Variants in NELL1 observed in about 807,000 individuals in gnomAD.
The protein encoded by NELL1 is neural EGFL like 1.
In NELL1, 76 loss-of-function variants were observed where a neutral mutation model predicts 107.4. The observed-to-expected ratio is 0.71, with a 90% CI of 0.59 to 0.86. NELL1 has a LOEUF of 0.86. NELL1 is among the 40% of genes least tolerant of loss of function. The pLI is 0.00. For missense variants in NELL1, 1,024 were observed against 1,005.5 expected (o/e 1.02, Z -0.25); for synonymous variants, 353 against 341.2 (o/e 1.03, Z -0.38).
At chr11:21,220,159 A>G (rs1857718447) in intron 13 of NELL1, among the ~76,000 whole-genome samples, 1 of 152,186 alleles carries the variant, frequency 6.6e-6, no homozygotes. Context: ...AATCCAAGCC[A>G]TATCAGCTGT....
chr11:21,101,864 T>G (rs1854825247), intron 12 of NELL1, among the ~76,000 whole-genome samples: 1 of 152,198 alleles, frequency 6.6e-6, no homozygotes, highest in African/African-American at 2.4e-5. Flanking sequence ...CGTTTCTTTC[T>G]TTCTTTCTTT....
chr11:20,848,665 A>G (rs1309580968), intron 4 of NELL1, among the ~76,000 whole-genome samples: 1 of 152,196 alleles, frequency 6.6e-6, no homozygotes, highest in African/African-American at 2.4e-5. Flanking sequence ...AACCCAGGAT[A>G]AAGAACAGGC....
In NELL1 at chr11:20,960,701, T is replaced by A. The variant is rs964864356; in HGVS notation, c.1300+141T>A. On this transcript the variant is annotated intron_variant, in intron 12 of 19. Coordinates refer to ENST00000357134, the MANE Select transcript of NELL1 (RefSeq NM_006157.5). The stretch of plus-strand genomic sequence containing the variant: ...AAGAAATCATATCAATTGCTGAGGG[T>A]TCTCTGTTCTCCTGGTTTATCCATG... The A allele has an allele frequency of 2.0e-5, 19 of 954,940 alleles. No individual in the cohort carries two copies. In the Admixed American group the frequency reaches 4.3e-4, roughly 22 times the overall value. 59.2% of individuals were successfully genotyped at this position (954,940 alleles called of 1,614,324 possible).
chr11:21,016,396 G>C (rs976601189), intron 12 of NELL1, among the ~76,000 whole-genome samples: 13 of 152,042 alleles, frequency 8.6e-5, no homozygotes, highest in African/African-American at 3.1e-4. Flanking sequence ...CATACAGTCA[G>C]TAGCTCCCCA....
intron 2 of NELL1, among the ~76,000 whole-genome samples, chr11:20,777,079 C>G (rs781076721): frequency 6.6e-6 from 1 of 152,220 alleles, no homozygotes; most frequent in African/African-American, 2.4e-5. Context: ...ATATCAAGCA[C>G]TGAGATCACA....
At chr11:21,234,270 A>C (rs1288297517) in intron 14 of NELL1, among the ~76,000 whole-genome samples, 2 of 152,226 alleles carry the variant, frequency 1.3e-5, no homozygotes, top group South Asian at 2.1e-4. Context: ...AAAGCTTTGA[A>C]ATTTTCCCAT....
chr11:20,918,151 T>G, intron 5 of NELL1, 31 bp from the exon 6 acceptor site: 1 of 1,318,410 alleles, frequency 7.6e-7, no homozygotes, highest in Non-Finnish European at 1.1e-6. Flanking sequence ...GACTGTAATC[T>G]TGATTGCCAC....
At position 21,428,504 on chromosome 11, in the gene NELL1, T is replaced by C. The variant is rs537724842; in HGVS notation, c.1645+57556T>C. 2.6e-5 allele frequency among the ~76,000 whole-genome samples: 4 copies of C among 152,350 alleles called. No individual in the cohort carries two copies. The South Asian group carries it at 8.3e-4, about 32-fold the overall frequency. ...CTGATACACATTCCGGGGATATTCA[T>C]TTCTTCCACTTCCCTGCAACTCTCA... On this transcript the variant is annotated intron_variant, in intron 15 of 19. Transcript: ENST00000357134.
chr11:20,976,182 A>T (rs1851631131), intron 12 of NELL1, among the ~76,000 whole-genome samples: 1 of 148,504 alleles, frequency 6.7e-6, no homozygotes, highest in African/African-American at 2.5e-5. Flanking sequence ...GTACATATAT[A>T]TGTTTATATC....
At chr11:20,712,771 G>A (rs1270385813) in intron 2 of NELL1, among the ~76,000 whole-genome samples, 1 of 152,186 alleles carries the variant, frequency 6.6e-6, no homozygotes, top group East Asian at 1.9e-4. Context: ...ATCCAGTGGG[G>A]CTACCAGGCT....
intron 15 of NELL1, among the ~76,000 whole-genome samples, chr11:21,386,375 A>T (rs58734619): frequency 6.6e-6 from 1 of 151,894 alleles, no homozygotes; most frequent in African/African-American, 2.4e-5. Flanking sequence ...TGACAGAAGC[A>T]TTAACATCTT....
intron 12 of NELL1, among the ~76,000 whole-genome samples, chr11:20,965,053 C>T (rs1356287995): frequency 6.6e-6 from 1 of 152,130 alleles, no homozygotes; most frequent in Non-Finnish European, 1.5e-5. Context: ...GGATCCAACT[C>T]TTGTGGGTTC....
At chr11:21,097,165 C>T (rs1388268817) in intron 12 of NELL1, among the ~76,000 whole-genome samples, 1 of 152,188 alleles carries the variant, frequency 6.6e-6, no homozygotes. Flanking sequence ...TTTCTACGTT[C>T]ATTCTACTTG....
At chr11:21,445,326 G>GT (rs1225157340) in intron 15 of NELL1, among the ~76,000 whole-genome samples, 1 of 148,328 alleles carries the variant, frequency 6.7e-6, no homozygotes, top group African/African-American at 2.5e-5. Flanking sequence ...TTTTGTTTTT[G>GT]TTTTTTTGGG....
intron 14 of NELL1, among the ~76,000 whole-genome samples, chr11:21,336,548 A>G (rs1850400188): frequency 6.6e-6 from 1 of 151,904 alleles, no homozygotes; most frequent in South Asian, 2.1e-4. Context: ...GATTTGCTCA[A>G]GATCATAAAG....
intron 15 of NELL1, among the ~76,000 whole-genome samples, chr11:21,479,288 A>G (rs1386699145): frequency 6.6e-6 from 1 of 152,180 alleles, no homozygotes; most frequent in Non-Finnish European, 1.5e-5. Flanking sequence ...AAGCAACCTA[A>G]ATGTCCATCA....
chr11:20,779,648 TG>T (rs1253760518), intron 2 of NELL1, among the ~76,000 whole-genome samples: 1 of 152,214 alleles, frequency 6.6e-6, no homozygotes, highest in Non-Finnish European at 1.5e-5. Context: ...TTTTAAGAGT[TG>T]ACAACTTTAT....
chr11:21,345,952 G>A (rs1165030562), intron 14 of NELL1, among the ~76,000 whole-genome samples: 5 of 152,166 alleles, frequency 3.3e-5, no homozygotes, highest in Admixed American at 1.3e-4. Context: ...TAGCACTTTA[G>A]ATTCCACCAA....
intron 3 of NELL1, among the ~76,000 whole-genome samples, chr11:20,819,774 A>G (rs1193584010): frequency 6.6e-6 from 1 of 152,216 alleles, no homozygotes; most frequent in Non-Finnish European, 1.5e-5. Flanking sequence ...AGAATTTGTC[A>G]ATATCTTTAC....
Sources: allele counts gnomAD v4.1 joint callset (sites outside exome capture counted in the v4.1 genomes callset), GRCh38; gene constraint gnomAD v4.1.1; transcripts MANE v1.5; gene names NCBI Gene and HGNC (gene_info 2026-07-23, HGNC 2026-07-21).